The following MYO15B variants were observed in gnomAD, a reference collection of about 807,000 sequenced individuals.
The protein encoded by MYO15B is myosin XVB pseudogene.
MYO15B carries 207 observed loss-of-function variants against 119.3 expected under a neutral mutation model. The ratio of observed to expected loss-of-function variants is 1.73; its 90% confidence interval spans 1.55 to 1.95. The LOEUF is 1.95. MYO15B is among the 30% of genes most tolerant of loss of function. The pLI is 0.00. For synonymous variants in MYO15B, 966 were observed against 498.9 expected (o/e 1.94, Z -12.48); for missense variants, 2,264 against 1,203.1 (o/e 1.88, Z -13.04).
At chr17:75,610,206 A>C (rs757895125) in exon 22 of MYO15B, 12 of 701,708 alleles carry the variant, frequency 1.7e-5, no homozygotes, top group Non-Finnish European at 2.9e-5. Flanking sequence ...GGGACAGCTG[A>C]ACACCATCCT....
intron 21 of MYO15B, chr17:75,607,006 G>A (rs1286648877): frequency 2.5e-6 from 1 of 398,466 alleles, no homozygotes; most frequent in Non-Finnish European, 4.4e-6. Context: ...AGATGCTGGT[G>A]ACAGAGCTGG....
At position 75,621,326 on chromosome 17, in the gene MYO15B, C is replaced by G. The variant is rs945295646; in HGVS notation, c.7872-19C>G. 1 of 692,706 alleles carries G rather than the reference C, an allele frequency of 1.4e-6. No homozygotes were observed. The highest frequency in any genetic ancestry group is 1.8e-5 in the African/African-American group (1 of 57,066). 42.9% of individuals were successfully genotyped at this position (692,706 alleles called of 1,614,324 possible). A position where few individuals can be genotyped will look rare whatever the true frequency, so the allele number is the denominator to read the frequency against. ...AGGAGGGCCAAACAAGCTGGGCTGT[C>G]TCCCTCTGCCCCCCACAGGCTGGGC... On this transcript the variant is annotated intron_variant, in intron 50 of 63. Transcript: ENST00000645453.
Position 75,615,339 on chromosome 17 carries a change from G to A in MYO15B, c.5740+1G>A. Reference sequence around the variant, plus strand: ...ATGGGCACAGTCCCTGCCATGCCAGGTAAGTCTGGGCTGGGGGCACCAGAG... The same window carrying A: ...ATGGGCACAGTCCCTGCCATGCCAGATAAGTCTGGGCTGGGGGCACCAGAG... On this transcript the variant is annotated splice_donor_variant, in intron 34 of 63. Transcript: ENST00000645453. LOFTEE classifies it high-confidence loss of function. 1 of 702,026 alleles carries A rather than the reference G, an allele frequency of 1.4e-6. No individual in the cohort carries two copies. Among genetic ancestry groups the A allele is most frequent in the South Asian group, 1.5e-5 (1 of 67,504 alleles). The allele number at this position is 702,026 out of a possible 1,614,324, so 43.5% of individuals were successfully genotyped here. A position where few individuals can be genotyped will look rare whatever the true frequency, so the allele number is the denominator to read the frequency against.
rs1021007937 is a variant in MYO15B, at chr17:75,612,057, C to G, written c.4635+41C>G. ...TAAGCTCTTCCCGCTGGCCTCACCGCTCTGAGTTAGCACCTGCCTGACAGA... is the reference window on the plus strand; with the variant it reads ...TAAGCTCTTCCCGCTGGCCTCACCGGTCTGAGTTAGCACCTGCCTGACAGA... On this transcript the variant is annotated intron_variant, in intron 25 of 63. Coordinates refer to ENST00000645453, the Ensembl canonical transcript of MYO15B. 1.4e-5 allele frequency: 10 copies of G among 699,390 alleles called. No individual in the cohort carries two copies. In the East Asian group the frequency reaches 2.7e-4, roughly 19 times the overall value. 43.3% of individuals were successfully genotyped at this position (699,390 alleles called of 1,614,324 possible). A position where few individuals can be genotyped will look rare whatever the true frequency, so the allele number is the denominator to read the frequency against.
At chr17:75,591,089 A>G in intron 3 of MYO15B, 73 bp downstream of exon 3, 1 of 694,860 alleles carries the variant, frequency 1.4e-6, no homozygotes, top group African/African-American at 1.7e-5. Context: ...CCCTTGACTG[A>G]GGTCCCGGGG....
chr17:75,612,558 A>G (rs564301425), intron 25 of MYO15B, among the ~76,000 whole-genome samples: 3 of 152,142 alleles, frequency 2.0e-5, no homozygotes, highest in Non-Finnish European at 2.9e-5. Flanking sequence ...CCAGCTACTC[A>G]GGAGGCTGAG....
chr17:75,617,311 AACC>A lies in MYO15B; in HGVS notation c.6814+10_6814+12del. The stretch of plus-strand genomic sequence containing the variant: ...CTTTCAGCAGAGCGTCGTTGTAAGG[AACC>A]ACATTTCTCCTGCGCCGTGGGCTTC... On this transcript the variant is annotated splice_region_variant and intron_variant, in intron 41 of 63. Transcript: ENST00000645453. 1.6e-6 allele frequency: 1 copy of A among 626,620 alleles called. No homozygotes were observed. The highest frequency in any genetic ancestry group is 1.8e-5 in the South Asian group (1 of 56,798). 38.8% of individuals were successfully genotyped at this position (626,620 alleles called of 1,614,324 possible). A position where few individuals can be genotyped will look rare whatever the true frequency, so the allele number is the denominator to read the frequency against.
In MYO15B at chr17:75,592,682, CAGGCCTGCAGGCTGCAAGGCA is replaced by C. The variant is rs1334752594; in HGVS notation, c.2837_2857del (p.Ala946_Lys952del). On this transcript the variant is annotated inframe_deletion, in exon 9 of 64. Coordinates refer to ENST00000645453, the Ensembl canonical transcript of MYO15B. Reference sequence around the variant, plus strand: ...TCACCCCTGCTGTGCTCTGCAGGGCCAGGCCTGCAGGCTGCAAGGCAAGGAGGATGCCCAGGACTTTGAGGG... The same window carrying C: ...TCACCCCTGCTGTGCTCTGCAGGGCCAGGAGGATGCCCAGGACTTTGAGGG... 8.6e-6 allele frequency: 6 copies of C among 700,334 alleles called. No homozygotes were observed. The East Asian group carries it at 1.6e-4, about 19-fold the overall frequency. The allele number at this position is 700,334 out of a possible 1,614,324, so 43.4% of individuals were successfully genotyped here.
At chr17:75,625,574 A>G (rs1381234929) in exon 61 of MYO15B, 1 of 702,936 alleles carries the variant, frequency 1.4e-6, no homozygotes, top group South Asian at 1.5e-5. Context: ...CGGCAGGTGA[A>G]CACGGCCTCC....
chr17:75,624,199 A>G, exon 56 of MYO15B: 2 of 702,862 alleles, frequency 2.8e-6, no homozygotes, highest in Non-Finnish European at 5.2e-6. Flanking sequence ...AGCCAGGAGC[A>G]CCTCCAGCGC....
At chr17:75,612,845 C>T (rs776969045) in exon 26 of MYO15B, 1 of 702,884 alleles carries the variant, frequency 1.4e-6, no homozygotes, top group South Asian at 1.5e-5. Context: ...AGCCCCTAAC[C>T]CAGCTGGATG....
exon 9 of MYO15B, chr17:75,592,750 G>A (rs1287249956): frequency 1.4e-6 from 1 of 702,726 alleles, no homozygotes; most frequent in Non-Finnish European, 2.6e-6. Flanking sequence ...CACTGCAGGG[G>A]CTCGGCTTGT....
In MYO15B at chr17:75,594,694, C is replaced by T. The variant is rs2056734210; in HGVS notation, c.3106-7C>T. 2.8e-6 allele frequency: 2 copies of T among 703,066 alleles called. No homozygotes were observed. The highest frequency in any genetic ancestry group is 5.2e-6 in the Non-Finnish European group (2 of 384,988). 43.6% of individuals were successfully genotyped at this position (703,066 alleles called of 1,614,324 possible). ...GACACACCAGCTGTGCCTCCTCTGC[C>T]CTCCAGGAGACGCCCTATGGCCAGG... On this transcript the variant is annotated splice_polypyrimidine_tract_variant and splice_region_variant and intron_variant, in intron 10 of 63. Transcript: ENST00000645453.
intron 21 of MYO15B, among the ~76,000 whole-genome samples, chr17:75,608,330 G>A (rs1445271512): frequency 6.6e-6 from 1 of 151,984 alleles, no homozygotes; most frequent in Non-Finnish European, 1.5e-5. Context: ...TGTTGGCCAG[G>A]CTGGTCTCGA....
In MYO15B at chr17:75,588,671, G is replaced by A. The variant is rs943816176; in HGVS notation, c.614G>A (p.Ser205Asn). Residue 205 changes from serine to asparagine, a missense_variant, in exon 1 of 64, where the codon AGC becomes AAC. Transcript: ENST00000645453. Reference sequence around the variant, plus strand: ...GGGCCGGAGTCAGCGCTGGAGCCAAGCAGCGACGGCCTGGACAGCGACTGG... The same window carrying A: ...GGGCCGGAGTCAGCGCTGGAGCCAAACAGCGACGGCCTGGACAGCGACTGG... 2.7e-5 allele frequency: 11 copies of A among 400,156 alleles called. No individual in the cohort carries two copies. In the Admixed American group the frequency reaches 3.5e-4, roughly 13 times the overall value. The allele number at this position is 400,156 out of a possible 1,614,324, so 24.8% of individuals were successfully genotyped here.
chr17:75,625,888 G>GTGC lies in MYO15B; in HGVS notation c.8987_8989dup (p.Leu2996dup), dbSNP rs752091169. On this transcript the variant is annotated inframe_insertion, in exon 62 of 64. Coordinates refer to ENST00000645453, the Ensembl canonical transcript of MYO15B. ...CCTCTTCGGCTACACCGTCTATGGG[G>GTGC]TGCTGCGAGTGAGCATGCAGGCCCT... The GTGC allele has an allele frequency of 2.0e-4, 138 of 702,982 alleles. 1 individual carries two copies. The Middle Eastern group carries it at 3.2e-3, about 16-fold the overall frequency. 43.5% of individuals were successfully genotyped at this position (702,982 alleles called of 1,614,324 possible).
At position 75,592,884 on chromosome 17, in the gene MYO15B, G is replaced by A. The variant is rs776033498; in HGVS notation, c.2991+44G>A. The A allele has an allele frequency of 2.0e-5, 14 of 687,770 alleles. No homozygotes were observed. In the South Asian group the frequency reaches 2.1e-4, roughly 11 times the overall value. 42.6% of individuals were successfully genotyped at this position (687,770 alleles called of 1,614,324 possible). On this transcript the variant is annotated intron_variant, in intron 9 of 63. Transcript: ENST00000645453. The stretch of plus-strand genomic sequence containing the variant: ...AGGGGCCATCTGGGGTGCTGGGTCT[G>A]TAGAATCAGGGCAGTGGTAATGACG...
Position 75,619,732 on chromosome 17 carries a change from C to T in MYO15B, c.7234C>T (p.Arg2412Ter), listed in dbSNP as rs1178063803. The T allele has an allele frequency of 1.8e-5, 13 of 702,788 alleles. No individual in the cohort carries two copies. The East Asian group carries it at 2.1e-4, about 12-fold the overall frequency. 43.5% of individuals were successfully genotyped at this position (702,788 alleles called of 1,614,324 possible). A position where few individuals can be genotyped will look rare whatever the true frequency, so the allele number is the denominator to read the frequency against. ...GTTAGCCGTGTCCCACCGTGGGCTG[C>T]GACTGCTCAAGGTGACCCAAGGCCC... is the stretch of plus-strand genomic sequence containing the variant. The change falls in exon 46 of 64, where the codon CGA (arginine) becomes TGA (stop). Residue 2412 changes from arginine to a stop codon, truncating the protein, a stop_gained. Transcript: ENST00000645453. LOFTEE classifies it high-confidence loss of function.
rs977372435 is a variant in MYO15B at position 75,593,767 on chromosome 17, A to G, written c.2992-708A>G. 5.6e-4 allele frequency among the ~76,000 whole-genome samples: 85 copies of G among 151,564 alleles called. 1 individual carries two copies. The highest frequency in any genetic ancestry group is 1.8e-4 in the Non-Finnish European group (12 of 67,914). ...AAACCCCGTCTCTACTAAAAATACA[A>G]AATTAGCCAGGTGTGGTGGCACATG... On this transcript the variant is annotated intron_variant, in intron 9 of 63. Coordinates refer to ENST00000645453, the Ensembl canonical transcript of MYO15B.
Sources: allele counts gnomAD v4.1 joint callset (sites outside exome capture counted in the v4.1 genomes callset), GRCh38; gene constraint gnomAD v4.1.1; transcripts MANE v1.5; gene names NCBI Gene and HGNC (gene_info 2026-07-23, HGNC 2026-07-21).